MYO1F: variants seen among roughly 807,000 people sequenced by gnomAD.
MYO1F encodes unconventional myosin-If.
Under a neutral mutation model 146.6 loss-of-function variants are expected in MYO1F, and 60 were observed. That is an observed-to-expected ratio of 0.41 (90% confidence interval 0.33 to 0.51). The LOEUF (loss-of-function observed/expected upper bound fraction) is 0.51. Among genes scored for constraint, MYO1F ranks in the 20% least tolerant of loss-of-function variants. The probability of loss-of-function intolerance (pLI) is 0.25; values close to 1 mark genes in which losing one functional copy is unlikely to be tolerated. For missense variants in MYO1F, 1,274 were observed against 1,534.3 expected (o/e 0.83, Z 2.83); for synonymous variants, 602 against 602.1 (o/e 1.00, Z 0.00).
At position 8,543,897 on chromosome 19, in the gene MYO1F, CTGGTGGTGGTGGTGGTGGTGGTGGTGG is replaced by C. The variant is rs1203381495; in HGVS notation, c.1524+373_1524+399del. On this transcript the variant is annotated intron_variant, in intron 14 of 27. Coordinates refer to ENST00000644032, the MANE Select transcript of MYO1F (RefSeq NM_012335.4). ...GGTGCTGGTGGTGGTGGTGGTGGTG[CTGGTGGTGGTGGTGGTGGTGGTGGTGG>C]TGGTGGTGGTGGTGCTGGTGGTGCT... Among the ~76,000 whole-genome samples, 82 of 11,086 alleles carry C rather than the reference CTGGTGGTGGTGGTGGTGGTGGTGGTGG, an allele frequency of 7.4e-3. 5 individuals carry two copies. Among genetic ancestry groups the C allele is most frequent in the African/African-American group, 0.045 (75 of 1,654 alleles). The allele number at this position is 11,086 out of a possible 152,430, so 7.3% of individuals were successfully genotyped here.
chr19:8,532,901 A>AAAAAAAAATATAT (rs1172873322), intron 19 of MYO1F, among the ~76,000 whole-genome samples: 2 of 47,842 alleles, frequency 4.2e-5, no homozygotes, highest in African/African-American at 1.1e-4. Flanking sequence ...AAAAAAAAAA[A>AAAAAAAAATATAT]ATACACACAC....
chr19:8,551,836 C>T lies in MYO1F; in HGVS notation c.675G>A (p.Leu225=). The part of the protein sequence containing the change: ...EGASQEQRQN[L]GLMTPDYYYY... ...AATAGTAGTCCGGTGTCATGAGGCC[C>T]AGGTTCTGCCTTTGCTCCTGGGAGG... Residue 225 remains leucine, a synonymous_variant, in exon 8 of 28, where the codon CTG becomes CTA. Transcript: ENST00000644032. 2 of 1,614,148 alleles carry T rather than the reference C, an allele frequency of 1.2e-6. No homozygotes were observed. The highest frequency in any genetic ancestry group is 1.7e-6 in the Non-Finnish European group (2 of 1,180,024).
rs1327549104 is a variant in MYO1F at position 8,555,671 on chromosome 19, G to A, written c.129C>T (p.Asp43=). 6.2e-6 allele frequency: 10 copies of A among 1,614,076 alleles called. No homozygotes were observed. Among genetic ancestry groups the A allele is most frequent in the South Asian group, 3.3e-5 (3 of 91,082 alleles). ...IAANLRKRFM[D]DYIFTYIGSV... is the part of the protein sequence containing the mutation. ...TGGCCCAGGGTACGAAGATGTAGTCGTCCATGAAGCGCTTCCGGAGGTTGG... is the reference window on the plus strand; with the variant it reads ...TGGCCCAGGGTACGAAGATGTAGTCATCCATGAAGCGCTTCCGGAGGTTGG... The change falls in exon 2 of 28, where the codon GAC becomes GAT. Residue 43 remains aspartate (D), a synonymous_variant. Transcript: ENST00000644032.
chr19:8,557,508 G>T (rs1332172401), intron 1 of MYO1F, among the ~76,000 whole-genome samples: 1 of 152,042 alleles, frequency 6.6e-6, no homozygotes, highest in Non-Finnish European at 1.5e-5. Flanking sequence ...TTGCTATGTT[G>T]CCCTGGCTGG....
chr19:8,527,045 C>T, intron 22 of MYO1F, 110 bp from the exon 23 acceptor site: 1 of 1,427,278 alleles, frequency 7.0e-7, no homozygotes, highest in Non-Finnish European at 9.7e-7. Context: ...AGCTAAGGGC[C>T]AAGTCAGCGG....
intron 1 of MYO1F, among the ~76,000 whole-genome samples, chr19:8,574,577 T>TTCTTTCTTTCTTTCTC (rs1335184271): frequency 2.1e-3 from 164 of 79,688 alleles, no homozygotes; most frequent in Middle Eastern, 0.012. Flanking sequence ...CTTTCTTTCT[T>TTCTTTCTTTCTTTCTC]TCTCTCTCTC....
At chr19:8,553,894 A>ACACACTCTCTCTCTCTCTCTCTCT in intron 4 of MYO1F, among the ~76,000 whole-genome samples, 1 of 102,606 alleles carries the variant, frequency 9.7e-6, no homozygotes, top group African/African-American at 4.2e-5. Flanking sequence ...ACACACACAC[A>ACACACTCTCTCTCTCTCTCTCTCT]CTCTCTCTCT....
In MYO1F at chr19:8,565,532, A is replaced by T. The variant is rs117739182; in HGVS notation, c.4-9736T>A. On this transcript the variant is annotated intron_variant, in intron 1 of 27. Coordinates refer to ENST00000644032, the MANE Select transcript of MYO1F (RefSeq NM_012335.4). Reference sequence around the variant, plus strand: ...AAGCTAGCCTGGGCAACAAGTGCGAAACTCTGTCTCGAAATAATAATAATA... The same window carrying T: ...AAGCTAGCCTGGGCAACAAGTGCGATACTCTGTCTCGAAATAATAATAATA... Among the ~76,000 whole-genome samples the T allele has an allele frequency of 8.3e-3, 1,269 of 152,098 alleles. 6 individuals carry two copies. Among genetic ancestry groups the T allele is most frequent in the Non-Finnish European group, 0.013 (894 of 67,976 alleles).
chr19:8,574,868 A>T (rs2042207886), intron 1 of MYO1F, among the ~76,000 whole-genome samples: 1 of 139,256 alleles, frequency 7.2e-6, no homozygotes, highest in Non-Finnish European at 1.5e-5. Flanking sequence ...TGATTCTCCT[A>T]TCTCAGGTTC....
intron 1 of MYO1F, among the ~76,000 whole-genome samples, chr19:8,570,066 C>T (rs1211952193): frequency 2.0e-5 from 3 of 151,902 alleles, no homozygotes; most frequent in African/African-American, 7.3e-5. Context: ...ACTACCACGC[C>T]TGGCTAATAC....
rs1304507824 is a variant in MYO1F, at chr19:8,530,214, C to G, written c.2310G>C (p.Lys770Asn). 1 of 1,614,052 alleles carries G rather than the reference C, an allele frequency of 6.2e-7. No homozygotes were observed. ...GCCTCACCTTGAAGCGGCGGTCGTA[C>G]TTGGTGACCGAATCGGCGAAGTCCA... Reference protein sequence around the residue: ...ERVDFADSVTKYDRRFKPIKR... With the variant: ...ERVDFADSVTNYDRRFKPIKR... The change falls in exon 21 of 28, where the codon AAG (lysine) becomes AAC (asparagine). Residue 770 changes from lysine to asparagine, a missense_variant. Transcript: ENST00000644032. This position sits in a 1 kb window ranked among gnomAD's most constrained non-coding sequence, Gnocchi z 5.8.
chr19:8,554,187 C>G (rs1229029789), intron 4 of MYO1F, among the ~76,000 whole-genome samples: 3 of 152,090 alleles, frequency 2.0e-5, no homozygotes, highest in Non-Finnish European at 2.9e-5. Context: ...GAACTCCTAG[C>G]CTCAAGAGAT....
intron 12 of MYO1F, among the ~76,000 whole-genome samples, chr19:8,546,572 C>T (rs774181990): frequency 2.0e-5 from 3 of 152,060 alleles, no homozygotes; most frequent in Non-Finnish European, 4.4e-5. Context: ...GTTGTCCAGG[C>T]TGGCTTTGAA....
intron 13 of MYO1F, among the ~76,000 whole-genome samples, chr19:8,544,820 G>T (rs974847409): frequency 6.6e-6 from 1 of 152,056 alleles, no homozygotes; most frequent in Non-Finnish European, 1.5e-5. Context: ...CTCTTGCCCA[G>T]GCTGGAGAGC....
chr19:8,548,078 C>A lies in MYO1F; in HGVS notation c.1227G>T (p.Lys409Asn). ...TAAGTTCGATAAAGATTTGCTGCAG[C>A]TTCTCATTGACGAAGTTGATGCAAA... Reference protein sequence around the residue: ...EQFCINFVNEKLQQIFIELTL... With the variant: ...EQFCINFVNENLQQIFIELTL... The change falls in exon 12 of 28, where the codon AAG (lysine) becomes AAT (asparagine). Residue 409 changes from lysine to asparagine, a missense_variant. Around this residue, in one of 2 missense-constraint regions of MYO1F, gnomAD observed 900 missense variants for 1,155.1 expected, o/e 0.78. Coordinates refer to ENST00000644032, the MANE Select transcript of MYO1F (RefSeq NM_012335.4). 1.2e-6 allele frequency: 2 copies of A among 1,613,598 alleles called. No individual in the cohort carries two copies. The highest frequency in any genetic ancestry group is 1.7e-6 in the Non-Finnish European group (2 of 1,179,944).
At chr19:8,535,563 C>T (rs550323464) in intron 19 of MYO1F, among the ~76,000 whole-genome samples, 1 of 152,276 alleles carries the variant, frequency 6.6e-6, no homozygotes, top group African/African-American at 2.4e-5. Context: ...CGCTACCACA[C>T]CTGACTTGGT....
At chr19:8,547,031 C>T (rs758855253) in intron 12 of MYO1F, among the ~76,000 whole-genome samples, 14 of 152,144 alleles carry the variant, frequency 9.2e-5, no homozygotes, top group Non-Finnish European at 1.6e-4. Context: ...GGCATATTAA[C>T]TCATGCCTGT....
intron 13 of MYO1F, among the ~76,000 whole-genome samples, chr19:8,545,139 G>A (rs891723735): frequency 6.6e-6 from 1 of 151,964 alleles, no homozygotes; most frequent in African/African-American, 2.4e-5. Context: ...TCAGGCTGGA[G>A]TGTGGTGGTG....
chr19:8,535,983 C>T (rs1287230274), intron 19 of MYO1F, among the ~76,000 whole-genome samples: 1 of 151,998 alleles, frequency 6.6e-6, no homozygotes, highest in Non-Finnish European at 1.5e-5. Flanking sequence ...GCCCGGCAGT[C>T]GCAGTCTTTC....
Sources: gnomAD v4.1 joint callset for allele counts (sites outside exome capture counted in the v4.1 genomes callset) on GRCh38, gnomAD v4.1.1 for gene constraint, gnomAD v4.1.1 regional missense constraint, Gnocchi (gnomAD v3.1) non-coding constraint, MANE v1.5 for transcripts, NCBI Gene and HGNC (gene_info 2026-07-23, HGNC 2026-07-21) for gene names.